The following ABCC4 variants were observed in gnomAD, a reference collection of about 807,000 sequenced individuals.
ABCC4 encodes the protein ATP binding cassette subfamily C member 4 (PEL blood group).
Under a neutral mutation model 168.5 loss-of-function variants are expected in ABCC4, and 102 were observed. That is an observed-to-expected ratio of 0.61 (90% CI 0.52 to 0.71). The LOEUF (loss-of-function observed/expected upper bound fraction) is 0.71. Among genes scored for constraint, ABCC4 ranks in the 30% least tolerant of loss-of-function variants. The pLI, the probability that ABCC4 is intolerant of heterozygous loss-of-function variation, is 0.00. For missense variants in ABCC4, 1,402 were observed against 1,605.8 expected, an observed-to-expected ratio of 0.87 and a Z score of 2.17; for synonymous variants, 617 against 590.7, an observed-to-expected ratio of 1.04 and a Z score of -0.65.
intron 20 of ABCC4, among the ~76,000 whole-genome samples, chr13:95,106,433 A>C (rs1310490206): frequency 6.6e-6 from 1 of 151,656 alleles, no homozygotes; most frequent in African/African-American, 2.4e-5. Flanking sequence ...AATCGATTAG[A>C]GGTTTATTTA....
chr13:95,299,832 T>A lies in ABCC4; in HGVS notation c.74+1409A>T, dbSNP rs2138977801. Among the ~76,000 whole-genome samples, 3 of 152,092 alleles carry A rather than the reference T, an allele frequency of 2.0e-5. No homozygotes were observed. The South Asian group carries it at 6.2e-4, about 32-fold the overall frequency. On this transcript the variant is annotated intron_variant, in intron 1 of 30. Transcript: ENST00000645237. The stretch of plus-strand genomic sequence containing the variant: ...AGGCTTATGTAGTTAGCAGACGGAA[T>A]TCCCCCACACACACCCGCCACTCCC...
At chr13:95,231,982 AT>A (rs1404467700) in intron 4 of ABCC4, among the ~76,000 whole-genome samples, 1 of 152,126 alleles carries the variant, frequency 6.6e-6, no homozygotes, top group East Asian at 1.9e-4. Flanking sequence ...GTTAGTGAAA[AT>A]TTTTATGAAT....
At chr13:95,134,642 C>T (rs1226356715) in intron 19 of ABCC4, among the ~76,000 whole-genome samples, 1 of 152,098 alleles carries the variant, frequency 6.6e-6, no homozygotes, top group Non-Finnish European at 1.5e-5. Flanking sequence ...ATCACTTGAA[C>T]CCAAGAGGCG....
At chr13:95,183,133 G>T (rs2037953024) in intron 11 of ABCC4, among the ~76,000 whole-genome samples, 1 of 148,100 alleles carries the variant, frequency 6.8e-6, no homozygotes, top group African/African-American at 2.5e-5. Context: ...AACTATATAA[G>T]GCAAAATCTT....
intron 19 of ABCC4, among the ~76,000 whole-genome samples, chr13:95,121,063 T>C (rs1013890251): frequency 2.0e-5 from 3 of 152,054 alleles, no homozygotes; most frequent in African/African-American, 7.2e-5. Context: ...GAACAGGCCA[T>C]CAACATGGCA....
chr13:95,171,878 ACCTCTTCAGGTTTAGTACTTATACC>A (rs1223129712), intron 13 of ABCC4, among the ~76,000 whole-genome samples: 1 of 152,106 alleles, frequency 6.6e-6, no homozygotes, highest in South Asian at 2.1e-4. Context: ...AATCTAGTAT[ACCTCTTCAGGTTTAGTACTTATACC>A]CCTCTTCAGG....
intron 4 of ABCC4, among the ~76,000 whole-genome samples, chr13:95,218,162 G>T (rs1335737340): frequency 6.6e-6 from 1 of 152,186 alleles, no homozygotes; most frequent in Non-Finnish European, 1.5e-5. Context: ...ATTAAACTGG[G>T]TATTTCTGCA....
chr13:95,168,858 T>C (rs553675881), intron 14 of ABCC4, among the ~76,000 whole-genome samples: 2 of 152,294 alleles, frequency 1.3e-5, no homozygotes, highest in African/African-American at 4.8e-5. Context: ...TAAAAAGATA[T>C]GTTCGAGTCC....
At chr13:95,236,024 G>T (rs547748920) in intron 3 of ABCC4, among the ~76,000 whole-genome samples, 2 of 152,234 alleles carry the variant, frequency 1.3e-5, no homozygotes, top group African/African-American at 4.8e-5. Context: ...TGAACAAGAT[G>T]TAGGGAATGC....
chr13:95,190,184 G>C (rs915512622), intron 9 of ABCC4, among the ~76,000 whole-genome samples: 1 of 150,930 alleles, frequency 6.6e-6, no homozygotes, highest in Non-Finnish European at 1.5e-5. Context: ...ATCTCTTAAA[G>C]AAAAAAAAAT....
At chr13:95,152,011 C>A (rs1000119681) in intron 19 of ABCC4, among the ~76,000 whole-genome samples, 1 of 152,154 alleles carries the variant, frequency 6.6e-6, no homozygotes, top group Non-Finnish European at 1.5e-5. Flanking sequence ...CAGTACCAGA[C>A]GCTTAACCCA....
At chr13:95,097,017 T>C (rs1440840625) in intron 20 of ABCC4, among the ~76,000 whole-genome samples, 1 of 152,168 alleles carries the variant, frequency 6.6e-6, no homozygotes, top group Non-Finnish European at 1.5e-5. Context: ...TTATAGCATA[T>C]GTAGAAGTAA....
chr13:95,037,619 T>C (rs1331611362), intron 29 of ABCC4, among the ~76,000 whole-genome samples: 1 of 152,190 alleles, frequency 6.6e-6, no homozygotes, highest in Non-Finnish European at 1.5e-5. Flanking sequence ...TTCCCAGAGG[T>C]ACATTATTAT....
chr13:95,251,785 G>A (rs1003204836), intron 1 of ABCC4, among the ~76,000 whole-genome samples: 2 of 152,202 alleles, frequency 1.3e-5, no homozygotes, highest in African/African-American at 2.4e-5. Context: ...GCTACTGAAG[G>A]AGTTCACTTG....
At chr13:95,142,039 A>C (rs1201628852) in intron 19 of ABCC4, among the ~76,000 whole-genome samples, 3 of 152,244 alleles carry the variant, frequency 2.0e-5, no homozygotes, top group Admixed American at 1.3e-4. Context: ...GAGATTCCTT[A>C]CATAACTAAA....
intron 8 of ABCC4, among the ~76,000 whole-genome samples, chr13:95,199,811 A>C (rs1348678730): frequency 2.0e-5 from 3 of 152,206 alleles, no homozygotes; most frequent in African/African-American, 4.8e-5. Context: ...TTGAACATTA[A>C]GAGCTTTCTC....
intron 19 of ABCC4, among the ~76,000 whole-genome samples, chr13:95,132,808 G>A (rs1429417390): frequency 6.6e-6 from 1 of 152,082 alleles, no homozygotes; most frequent in Non-Finnish European, 1.5e-5. Context: ...AATAAAATAA[G>A]CCTCTCAGAA....
At chr13:95,299,564 G>A (rs578185205) in intron 1 of ABCC4, among the ~76,000 whole-genome samples, 9 of 151,760 alleles carry the variant, frequency 5.9e-5, no homozygotes, top group Non-Finnish European at 1.0e-4. Context: ...TTTTTTTTGC[G>A]ATTTTTTTTT....
intron 14 of ABCC4, 102 bp from the exon 15 acceptor site, chr13:95,166,469 T>C: frequency 4.0e-6 from 4 of 1,007,196 alleles, no homozygotes; most frequent in East Asian, 2.6e-5. Flanking sequence ...TAAGTTATGA[T>C]TATACTTAGG....
Sources: gnomAD v4.1 joint callset for allele counts (sites outside exome capture counted in the v4.1 genomes callset) on GRCh38, gnomAD v4.1.1 for gene constraint, MANE v1.5 for transcripts, NCBI Gene and HGNC (gene_info 2026-07-23, HGNC 2026-07-21) for gene names.